The following RDH13 variants were observed in gnomAD, a reference collection of about 807,000 sequenced individuals.
RDH13 encodes retinol dehydrogenase 13 (all-trans and 9-cis).
A neutral mutation model predicts 28.3 loss-of-function variants in RDH13; 35 were observed. The ratio of observed to expected loss-of-function variants is 1.24; its 90% CI spans 0.95 to 1.64. The LOEUF is 1.64. RDH13 is among the 40% of genes most tolerant of loss of function. RDH13 has a pLI of 0.00. For missense variants in RDH13, 514 were observed against 446.3 expected (o/e 1.15, Z -1.37); for synonymous variants, 229 against 198.5 (o/e 1.15, Z -1.29).
intron 3 of RDH13, among the ~76,000 whole-genome samples, chr19:55,056,292 C>T (rs1395042198): frequency 1.3e-5 from 2 of 152,094 alleles, no homozygotes; most frequent in South Asian, 4.2e-4. Flanking sequence ...GGTGAAACCC[C>T]GTCTCTACTA....
chr19:55,046,076 G>A (rs1162396529), intron 6 of RDH13, among the ~76,000 whole-genome samples: 6 of 150,914 alleles, frequency 4.0e-5, no homozygotes, highest in African/African-American at 1.5e-4. Flanking sequence ...GTGAAACCCT[G>A]TCTCAACTAA....
At chr19:55,048,104 C>G in intron 5 of RDH13, 1 of 1,518,232 alleles carries the variant, frequency 6.6e-7, no homozygotes, top group Non-Finnish European at 8.8e-7. Context: ...GACATCTGAT[C>G]CAGGCAGACT....
Position 55,062,635 on chromosome 19 carries a change from G to A in RDH13, c.65+333C>T, listed in dbSNP as rs554997948. ...GTCAAGGCTGCAGTGAGCCAAGATC[G>A]CGCCACTGCACTCCAGCCTGGGCGA... is the stretch of plus-strand genomic sequence containing the variant. On this transcript the variant is annotated intron_variant, in intron 1 of 6. Coordinates refer to ENST00000415061, the MANE Select transcript of RDH13 (RefSeq NM_001145971.2). Among the ~76,000 whole-genome samples the A allele has an allele frequency of 2.1e-3, 316 of 152,268 alleles. 2 individuals are homozygous for A. The highest frequency in any genetic ancestry group is 7.3e-3 in the African/African-American group (303 of 41,568).
At chr19:55,063,305 G>GGGGC, upstream of RDH13, 1 of 383,272 alleles carries the variant, frequency 2.6e-6, no homozygotes, top group Non-Finnish European at 4.6e-6. Flanking sequence ...GGCTAGTCCG[G>GGGGC]GGGCGGGGCC....
intron 6 of RDH13, among the ~76,000 whole-genome samples, chr19:55,046,113 G>A (rs561331951): frequency 3.3e-5 from 5 of 151,336 alleles, no homozygotes; most frequent in Admixed American, 6.6e-5. Context: ...GGGTGTGGTG[G>A]TGGGCGCCTG....
upstream of RDH13, among the ~76,000 whole-genome samples, chr19:55,067,959 TCC>T (rs901539695): frequency 1.4e-5 from 2 of 146,392 alleles, no homozygotes; most frequent in African/African-American, 5.1e-5. Flanking sequence ...GTCCCCCTCC[TCC>T]GTGTCTCCTC....
downstream of RDH13, chr19:55,042,692 C>CA (rs1381767149): frequency 6.6e-6 from 1 of 152,206 alleles, no homozygotes; most frequent in Non-Finnish European, 1.5e-5. Context: ...CTGGTATTTA[C>CA]ACCCTGGAGT....
intron 3 of RDH13, among the ~76,000 whole-genome samples, chr19:55,054,157 T>C (rs1267839834): frequency 6.6e-6 from 1 of 152,184 alleles, no homozygotes; most frequent in East Asian, 1.9e-4. Flanking sequence ...CTCCAGCACC[T>C]GGTCAGGTCT....
At chr19:55,040,492 G>C (rs559739122), downstream of RDH13, 6 of 152,290 alleles carry the variant, frequency 3.9e-5, no homozygotes, top group Admixed American at 2.0e-4. Flanking sequence ...GTTAAAATGA[G>C]AACTATCAGG....
exon 3 of RDH13, chr19:55,039,254 A>C (rs1393760325): frequency 6.6e-6 from 1 of 152,262 alleles, no homozygotes; most frequent in Admixed American, 6.5e-5. Flanking sequence ...AAAATCAGCC[A>C]GGCACAGTGG....
downstream of RDH13, chr19:55,041,012 G>A: frequency 6.6e-6 from 1 of 152,414 alleles, no homozygotes. Flanking sequence ...TGTAATCCCA[G>A]ATACTCAGGA....
In RDH13 at chr19:55,045,162, T is replaced by A. The variant is rs2075170484; in HGVS notation, c.908A>T (p.Glu303Val). The A allele has an allele frequency of 6.2e-7, 1 of 1,613,586 alleles. No individual in the cohort carries two copies. The highest frequency in any genetic ancestry group is 1.3e-5 in the African/African-American group (1 of 74,938). ...AGCCCAAAGCCTCCGGGCCACCTCC[T>A]CATCCTCAGCCTCGGGGGCCGGGGC... ...QKAPAPEAED[E>V]EVARRLWAES... Residue 303 changes from glutamate (E) to valine (V), a missense_variant, in exon 7 of 7, where the codon GAG becomes GTG. Transcript: ENST00000415061.
chr19:55,055,430 A>G (rs1324844673), intron 3 of RDH13, among the ~76,000 whole-genome samples: 3 of 152,052 alleles, frequency 2.0e-5, no homozygotes, highest in Non-Finnish European at 4.4e-5. Context: ...TGGGATTAAC[A>G]GGCGTGAGCC....
At chr19:55,039,709 G>GT (rs1568663803), downstream of RDH13, 1 of 151,948 alleles carries the variant, frequency 6.6e-6, no homozygotes, top group Non-Finnish European at 1.5e-5. Flanking sequence ...CATGGCGGCA[G>GT]GCACCTGTAG....
chr19:55,047,202 C>G, intron 6 of RDH13, 185 bp downstream of exon 6: 1 of 1,402,092 alleles, frequency 7.1e-7, no homozygotes, highest in Middle Eastern at 2.7e-4. Context: ...CTTCCCGGGG[C>G]TGTTAGAGGC....
In RDH13 at chr19:55,048,319, G is replaced by A. The variant is rs150332635; in HGVS notation, c.658+10C>T. On this transcript the variant is annotated intron_variant, in intron 5 of 6. Coordinates refer to ENST00000415061, the MANE Select transcript of RDH13 (RefSeq NM_001145971.2). ...AAGCAAGAGGGAGGCCGAGCCTAGC[G>A]CCCCCGTACCTTGCAGCCGCCGGCT... is the stretch of plus-strand genomic sequence containing the variant. 1.7e-3 allele frequency: 2,803 copies of A among 1,613,966 alleles called. 34 individuals are homozygous for A. The African/African-American group carries it at 0.026, about 15-fold the overall frequency.
rs941304602 is a variant in RDH13 at position 55,056,004 on chromosome 19, A to G, written c.340+649T>C. Among the ~76,000 whole-genome samples, 4 of 151,512 alleles carry G rather than the reference A, an allele frequency of 2.6e-5. No homozygotes were observed. The East Asian group carries it at 7.8e-4, about 29-fold the overall frequency. On this transcript the variant is annotated intron_variant, in intron 3 of 6. Transcript: ENST00000415061. ...CCTGTCTCTACCTAAAACACAAAAAATTAGCCAGGCACGGTGGCGGGTGCC... is the reference window on the plus strand; with the variant it reads ...CCTGTCTCTACCTAAAACACAAAAAGTTAGCCAGGCACGGTGGCGGGTGCC...
downstream of RDH13, chr19:55,042,232 T>G (rs1415684284): frequency 6.6e-6 from 1 of 151,652 alleles, no homozygotes; most frequent in Non-Finnish European, 1.5e-5. Context: ...GAGGGCCACC[T>G]AACATCCTCC....
At chr19:55,051,420 GGTTTT>G (rs2075428913) in intron 3 of RDH13, among the ~76,000 whole-genome samples, 3 of 147,046 alleles carry the variant, frequency 2.0e-5, no homozygotes, top group African/African-American at 7.8e-5. Flanking sequence ...GTTTTGTTTT[GGTTTT>G]TTTTCTTTTT....
Sources: allele counts gnomAD v4.1 joint callset (sites outside exome capture counted in the v4.1 genomes callset), GRCh38; gene constraint gnomAD v4.1.1; transcripts MANE v1.5; gene names NCBI Gene and HGNC (gene_info 2026-07-23, HGNC 2026-07-21).